ZNHIT6: variants seen among roughly 807,000 people sequenced by gnomAD.
The protein encoded by ZNHIT6 is box C/D snoRNA protein 1.
In ZNHIT6, 45 loss-of-function variants were observed where a neutral mutation model predicts 57.2. That is an observed-to-expected ratio of 0.79 (90% CI 0.62 to 1.01). The LOEUF is 1.01. Among genes scored for constraint, ZNHIT6 ranks in the 50% least tolerant of loss-of-function variants. ZNHIT6 has a pLI of 0.00. For synonymous variants in ZNHIT6, 188 were observed against 190.0 expected, an observed-to-expected ratio of 0.99 and a Z score of 0.09; for missense variants, 528 against 567.3, an observed-to-expected ratio of 0.93 and a Z score of 0.70.
At chr1:85,668,079 C>T (rs181217676) in intron 8 of ZNHIT6, among the ~76,000 whole-genome samples, 102 of 147,760 alleles carry the variant, frequency 6.9e-4, no homozygotes, top group Non-Finnish European at 1.2e-3. Context: ...TTATACCTGA[C>T]CTTCTCTGCA....
At chr1:85,679,985 T>C (rs1410888893) in intron 6 of ZNHIT6, among the ~76,000 whole-genome samples, 1 of 152,190 alleles carries the variant, frequency 6.6e-6, no homozygotes, top group East Asian at 1.9e-4. Flanking sequence ...AGGGGAGGAT[T>C]GCTTGAGGCC....
At chr1:85,661,827 A>G (rs1661230681) in intron 8 of ZNHIT6, among the ~76,000 whole-genome samples, 1 of 152,144 alleles carries the variant, frequency 6.6e-6, no homozygotes, top group African/African-American at 2.4e-5. Context: ...ACCATAAGAC[A>G]AACTACTTAG....
chr1:85,702,107 G>A (rs757706567), intron 5 of ZNHIT6, 50 bp downstream of exon 5: 1 of 1,288,534 alleles, frequency 7.8e-7, no homozygotes, highest in East Asian at 2.3e-5. Flanking sequence ...CTTAAAGAAT[G>A]ATCCTGATCA....
At chr1:85,662,380 G>C (rs922572855) in intron 8 of ZNHIT6, among the ~76,000 whole-genome samples, 3 of 151,932 alleles carry the variant, frequency 2.0e-5, no homozygotes, top group Non-Finnish European at 4.4e-5. Flanking sequence ...CATTGAATTA[G>C]GTGATCACTA....
intron 6 of ZNHIT6, among the ~76,000 whole-genome samples, chr1:85,679,941 C>T (rs1294921581): frequency 6.6e-6 from 1 of 152,160 alleles, no homozygotes; most frequent in Non-Finnish European, 1.5e-5. Context: ...TGCGGTGGCT[C>T]ACACTTGTAA....
At chr1:85,660,630 A>G (rs931015330) in intron 8 of ZNHIT6, among the ~76,000 whole-genome samples, 9 of 152,110 alleles carry the variant, frequency 5.9e-5, no homozygotes, top group Non-Finnish European at 8.8e-5. Context: ...TTTGGATCCT[A>G]AAACTGTAAT....
intron 9 of ZNHIT6, among the ~76,000 whole-genome samples, chr1:85,657,523 G>A (rs569669701): frequency 1.1e-3 from 165 of 148,772 alleles, no homozygotes; most frequent in African/African-American, 3.9e-3. Flanking sequence ...GTAAATGTAC[G>A]TGATCATGGA....
Position 85,673,047 on chromosome 1 carries a change from T to C in ZNHIT6, c.1247+4189A>G, listed in dbSNP as rs115502363. Reference sequence around the variant, plus strand: ...TGATAGTGCCTGACATTTAGCAACATAGGCTTTTCTAGTCCAAAACCACTC... The same window carrying C: ...TGATAGTGCCTGACATTTAGCAACACAGGCTTTTCTAGTCCAAAACCACTC... On this transcript the variant is annotated intron_variant, in intron 8 of 9. Coordinates refer to ENST00000370574, the MANE Select transcript of ZNHIT6 (RefSeq NM_017953.4). Among the ~76,000 whole-genome samples the C allele has an allele frequency of 1.9e-3, 290 of 152,302 alleles. 1 individual carries two copies. Among genetic ancestry groups the C allele is most frequent in the Non-Finnish European group, 3.4e-3 (234 of 68,016 alleles).
chr1:85,681,333 GACA>G (rs1661866886), intron 5 of ZNHIT6, among the ~76,000 whole-genome samples: 1 of 152,196 alleles, frequency 6.6e-6, no homozygotes, highest in Non-Finnish European at 1.5e-5. Context: ...CAAAACAGGA[GACA>G]ACAAGCTGGT....
chr1:85,707,749 C>G lies in ZNHIT6; in HGVS notation c.536G>C (p.Gly179Ala). The change falls in exon 1 of 10, where the codon GGA becomes GCA. Residue 179 changes from glycine (G) to alanine (A), a missense_variant. Gly to Ala is a moderately conservative substitution (Grantham distance 60). Coordinates refer to ENST00000370574, the MANE Select transcript of ZNHIT6 (RefSeq NM_017953.4). ...GQCIKEELMH[G>A]ECVKEEKDFL... ...ATCCTTCTCTTCTTTTACACACTCT[C>G]CATGCATCAATTCCTCTTTTATGCA... is the stretch of plus-strand genomic sequence containing the variant. 1 of 1,614,124 alleles carries G rather than the reference C, an allele frequency of 6.2e-7. No homozygotes were observed. Among genetic ancestry groups the G allele is most frequent in the Non-Finnish European group, 8.5e-7 (1 of 1,180,004 alleles).
At chr1:85,683,791 A>G (rs915285496) in intron 5 of ZNHIT6, among the ~76,000 whole-genome samples, 3 of 152,172 alleles carry the variant, frequency 2.0e-5, no homozygotes, top group Non-Finnish European at 4.4e-5. Context: ...AAGACAGAGC[A>G]GGGTTTCTCA....
rs750549769 is a variant in ZNHIT6, at chr1:85,707,611, G to A, written c.656+18C>T. 1.0e-5 allele frequency: 16 copies of A among 1,529,174 alleles called. No individual in the cohort carries two copies. Among genetic ancestry groups the A allele is most frequent in the Middle Eastern group, 3.5e-4 (2 of 5,654 alleles). The allele number at this position is 1,529,174 out of a possible 1,614,324, so 94.7% of individuals were successfully genotyped here. ...CTCCACAGCTTTATTCCCCTAAATG[G>A]AATCCCCCATGCCCTACCTTGACAT... On this transcript the variant is annotated intron_variant, in intron 1 of 9. Transcript: ENST00000370574.
chr1:85,658,385 T>C (rs1247357303), intron 8 of ZNHIT6, among the ~76,000 whole-genome samples: 2 of 151,648 alleles, frequency 1.3e-5, no homozygotes, highest in African/African-American at 2.4e-5. Context: ...CGTGCCACCA[T>C]GCCTGGCTAA....
intron 5 of ZNHIT6, among the ~76,000 whole-genome samples, chr1:85,690,380 C>T (rs1230174620): frequency 1.3e-5 from 2 of 152,162 alleles, no homozygotes; most frequent in East Asian, 3.9e-4. Context: ...TTCTGATATT[C>T]TCACCACCAG....
In ZNHIT6 at chr1:85,651,474, G is replaced by T. The variant is rs1570273690; in HGVS notation, c.*2584C>A. On this transcript the variant is annotated 3_prime_UTR_variant, in exon 10 of 10. Transcript: ENST00000370574. ...GCTAGTCTCAAACACCTGACCTTGT[G>T]ATCTGCCCGCCTCAGCCTCCCAAAG... 1 of 152,120 alleles carries T rather than the reference G, an allele frequency of 6.6e-6. No individual in the cohort carries two copies. Among genetic ancestry groups the T allele is most frequent in the East Asian group, 1.9e-4 (1 of 5,190 alleles). The allele number at this position is 152,120 out of a possible 1,614,324, so 9.4% of individuals were successfully genotyped here.
intron 5 of ZNHIT6, among the ~76,000 whole-genome samples, chr1:85,690,298 C>T (rs572878632): frequency 2.0e-5 from 3 of 152,270 alleles, no homozygotes; most frequent in Admixed American, 6.5e-5. Context: ...CTATCGCTCA[C>T]CAAACCCCCA....
intron 5 of ZNHIT6, among the ~76,000 whole-genome samples, chr1:85,692,942 T>G (rs1009742144): frequency 6.6e-6 from 1 of 152,188 alleles, no homozygotes; most frequent in Non-Finnish European, 1.5e-5. Flanking sequence ...CTAAAACAGA[T>G]TGAAGCTCTT....
At chr1:85,702,415 A>G (rs549217041) in intron 4 of ZNHIT6, among the ~76,000 whole-genome samples, 155 bp from the exon 5 acceptor site, 20 of 152,372 alleles carry the variant, frequency 1.3e-4, no homozygotes, top group African/African-American at 4.6e-4. Context: ...CCATGATACT[A>G]TGAGAATAGG....
At chr1:85,674,534 G>A (rs1422167483) in intron 8 of ZNHIT6, among the ~76,000 whole-genome samples, 1 of 152,038 alleles carries the variant, frequency 6.6e-6, no homozygotes, top group Non-Finnish European at 1.5e-5. Context: ...CTTCACTTTG[G>A]CGATTAAAAA....
Sources: allele counts gnomAD v4.1 joint callset (sites outside exome capture counted in the v4.1 genomes callset), GRCh38; gene constraint gnomAD v4.1.1; transcripts MANE v1.5; gene names NCBI Gene and HGNC (gene_info 2026-07-23, HGNC 2026-07-21).